The following KLHL30 variants were observed in gnomAD, a reference collection of about 807,000 sequenced individuals.
The protein encoded by KLHL30 is kelch like family member 30.
A neutral mutation model predicts 55.0 loss-of-function variants in KLHL30; 55 were observed. The observed-to-expected ratio is 1.00, with a 90% CI of 0.80 to 1.25. The LOEUF (loss-of-function observed/expected upper bound fraction) is 1.25. Ranked by LOEUF, KLHL30 falls within the 50% of genes most tolerant of loss-of-function variation. The pLI is 0.00. For missense variants in KLHL30, 786 were observed against 811.6 expected (o/e 0.97, Z 0.38); for synonymous variants, 356 against 372.6 (o/e 0.96, Z 0.51).
Position 238,145,792 on chromosome 2 carries a change from C to T in KLHL30, c.1110C>T (p.His370=), listed in dbSNP as rs756094528. 1.0e-5 allele frequency: 16 copies of T among 1,608,016 alleles called. No individual in the cohort carries two copies. The highest frequency in any genetic ancestry group is 8.9e-5 in the East Asian group (4 of 44,794). ...VAPMLKPRTN[H]ASAALNGEIY... The stretch of plus-strand genomic sequence containing the variant: ...CCATGCTGAAGCCCCGCACCAACCA[C>T]GCCAGCGCGGCCCTCAATGGGGAGA... Residue 370 remains histidine (H), a synonymous_variant, in exon 5 of 8, where the codon CAC becomes CAT. Coordinates refer to ENST00000409223, the MANE Select transcript of KLHL30 (RefSeq NM_198582.4).
Position 238,141,047 on chromosome 2 carries a change from T to C in KLHL30, c.293T>C (p.Ile98Thr). ...VDFVYTGRLT[I>T]TQGNVEALTR... ...TTCGTGTACACAGGCCGGCTGACCATCACGCAGGGCAACGTGGAGGCGCTG... is the reference window on the plus strand; with the variant it reads ...TTCGTGTACACAGGCCGGCTGACCACCACGCAGGGCAACGTGGAGGCGCTG... The change falls in exon 2 of 8, where the codon ATC becomes ACC. Residue 98 changes from isoleucine to threonine, a missense_variant. Transcript: ENST00000409223. 6.2e-7 allele frequency: 1 copy of C among 1,612,014 alleles called. No individual in the cohort carries two copies. The highest frequency in any genetic ancestry group is 8.5e-7 in the Non-Finnish European group (1 of 1,179,370).
chr2:238,144,406 G>GGAAGGAAGGAAGGAAT (rs1559275876), intron 3 of KLHL30, among the ~76,000 whole-genome samples: 24 of 122,508 alleles, frequency 2.0e-4, no homozygotes, highest in South Asian at 4.9e-4. Context: ...AAGGAAGGAA[G>GGAAGGAAGGAAGGAAT]GAAGGAAGGA....
Position 238,147,730 on chromosome 2 carries a change from C to T in KLHL30, c.1151-104C>T, listed in dbSNP as rs997584675. 1.5e-6 allele frequency: 1 copy of T among 674,864 alleles called. No homozygotes were observed. Among genetic ancestry groups the T allele is most frequent in the Non-Finnish European group, 2.2e-6 (1 of 452,130 alleles). 41.8% of individuals were successfully genotyped at this position (674,864 alleles called of 1,614,324 possible). ...CCCTGTCTGTGAAATGGGGAGCCCA[C>T]CCCACCTCCCACCACTTTGCTGCCT... On this transcript the variant is annotated intron_variant, in intron 5 of 7. Coordinates refer to ENST00000409223, the MANE Select transcript of KLHL30 (RefSeq NM_198582.4). The surrounding 1 kb of genome is among the most constrained non-coding windows in gnomAD (Gnocchi z 5.8).
intron 2 of KLHL30, among the ~76,000 whole-genome samples, chr2:238,141,851 A>G (rs1251431333): frequency 6.6e-6 from 1 of 152,124 alleles, no homozygotes; most frequent in Non-Finnish European, 1.5e-5. Flanking sequence ...GGCCAAATAC[A>G]TGCCTAGGAC....
chr2:238,149,389 A>G (rs111346179), intron 7 of KLHL30, among the ~76,000 whole-genome samples: 18,310 of 142,958 alleles, frequency 0.13, 1,153 homozygotes, highest in Middle Eastern at 0.19. Flanking sequence ...AGGGCCCACA[A>G]TGAAGGGGGT....
intron 3 of KLHL30, among the ~76,000 whole-genome samples, chr2:238,143,707 G>A (rs960760339): frequency 1.3e-5 from 2 of 152,240 alleles, no homozygotes; most frequent in African/African-American, 4.8e-5. Context: ...CCAGCTGTTC[G>A]GGTCAGGGGC....
intron 2 of KLHL30, 144 bp from the exon 3 acceptor site, chr2:238,142,655 C>G (rs1379485549): frequency 1.3e-6 from 1 of 744,570 alleles, no homozygotes; most frequent in Non-Finnish European, 1.9e-6. Context: ...AAGGAGGGAG[C>G]AGCTTGTGCA....
At chr2:238,140,000 C>T (rs563967027) in intron 1 of KLHL30, among the ~76,000 whole-genome samples, 1 of 152,336 alleles carries the variant, frequency 6.6e-6, no homozygotes, top group East Asian at 1.9e-4. Context: ...TGTTTAGCAG[C>T]CTCCACCCGG....
chr2:238,151,884 G>C lies in KLHL30; in HGVS notation c.*819G>C. The C allele has an allele frequency of 1.0e-6, 1 of 985,466 alleles. No homozygotes were observed. The highest frequency in any genetic ancestry group is 1.2e-6 in the Non-Finnish European group (1 of 829,928). 61.0% of individuals were successfully genotyped at this position (985,466 alleles called of 1,614,324 possible). On this transcript the variant is annotated 3_prime_UTR_variant, in exon 8 of 8. Transcript: ENST00000409223. ...ATTAGAATGGAATTTCCCACCAGGG[G>C]ACGACTCTTGGGTGCATTGGTGGCA...
intron 4 of KLHL30, 60 bp from the exon 5 acceptor site, chr2:238,145,617 A>G: frequency 6.5e-7 from 1 of 1,540,072 alleles, no homozygotes; most frequent in Non-Finnish European, 8.8e-7. Context: ...TGGTATCCAC[A>G]CCCCATGGCC....
At chr2:238,140,101 G>C (rs1692505251) in intron 1 of KLHL30, among the ~76,000 whole-genome samples, 1 of 152,210 alleles carries the variant, frequency 6.6e-6, no homozygotes, top group African/African-American at 2.4e-5. Context: ...GTGTGATCTT[G>C]GGCAAGTGAC....
chr2:238,144,422 G>GGAAGGAAGGAAT lies in KLHL30; in HGVS notation c.908-469_908-468insTGAAGGAAGGAA, dbSNP rs1559275978. Reference sequence around the variant, plus strand: ...AGGAAGGAAGGAAGGAAGGAAGGAAGGAAGGAAGGAAGGCAGGCAGGCAGG... The same window carrying GGAAGGAAGGAAT: ...AGGAAGGAAGGAAGGAAGGAAGGAAGGAAGGAAGGAATGAAGGAAGGAAGGCAGGCAGGCAGG... On this transcript the variant is annotated intron_variant, in intron 3 of 7. Coordinates refer to ENST00000409223, the MANE Select transcript of KLHL30 (RefSeq NM_198582.4). 7.5e-3 allele frequency among the ~76,000 whole-genome samples: 798 copies of GGAAGGAAGGAAT among 106,052 alleles called. 1 individual carries two copies. Among genetic ancestry groups the GGAAGGAAGGAAT allele is most frequent in the Middle Eastern group, 0.014 (3 of 222 alleles). 69.6% of individuals were successfully genotyped at this position (106,052 alleles called of 152,430 possible). A position where few individuals can be genotyped will look rare whatever the true frequency, so the allele number is the denominator to read the frequency against.
intron 7 of KLHL30, among the ~76,000 whole-genome samples, chr2:238,149,537 C>T (rs967784595): frequency 3.9e-5 from 6 of 152,178 alleles, no homozygotes; most frequent in Non-Finnish European, 7.4e-5. Flanking sequence ...GGTGGGAGAA[C>T]GCGATTTGGG....
At chr2:238,149,880 G>A (rs1692720153) in intron 7 of KLHL30, among the ~76,000 whole-genome samples, 1 of 152,150 alleles carries the variant, frequency 6.6e-6, no homozygotes, top group Non-Finnish European at 1.5e-5. Context: ...TTGGGGATGG[G>A]TCCTGGCACC....
chr2:238,149,184 C>G (rs745562991), intron 7 of KLHL30, 32 bp downstream of exon 7: 2 of 1,609,858 alleles, frequency 1.2e-6, no homozygotes, highest in Admixed American at 3.3e-5. Context: ...CATGTGTGAG[C>G]CCCTGCCCAG....
At chr2:238,143,401 G>A (rs11693087) in intron 3 of KLHL30, among the ~76,000 whole-genome samples, 13,227 of 152,276 alleles carry the variant, frequency 0.087, 808 homozygotes, top group African/African-American at 0.17. Flanking sequence ...TTGTAATCCC[G>A]GACCTCAAAC....
At chr2:238,143,730 G>A (rs1367002802) in intron 3 of KLHL30, among the ~76,000 whole-genome samples, 2 of 152,234 alleles carry the variant, frequency 1.3e-5, no homozygotes, top group East Asian at 1.9e-4. Context: ...AAGAGAGGGG[G>A]TTTGGGGCTG....
chr2:238,143,143 C>T (rs1004639446), intron 3 of KLHL30, among the ~76,000 whole-genome samples: 1 of 152,166 alleles, frequency 6.6e-6, no homozygotes, highest in African/African-American at 2.4e-5. Context: ...GGCACTGCTG[C>T]TCCCTCTCCC....
chr2:238,145,810 T>C lies in KLHL30; in HGVS notation c.1128T>C (p.Asn376=), dbSNP rs746209199. The part of the protein sequence containing the change: ...PRTNHASAAL[N]GEIYVIGGTT... ...CCAACCACGCCAGCGCGGCCCTCAA[T>C]GGGGAGATCTACGTTATCGGCGGTG... The change falls in exon 5 of 8, where the codon AAT becomes AAC. Residue 376 remains asparagine, a synonymous_variant. Transcript: ENST00000409223. 5 of 1,606,534 alleles carry C rather than the reference T, an allele frequency of 3.1e-6. No individual in the cohort carries two copies. The highest frequency in any genetic ancestry group is 3.4e-6 in the Non-Finnish European group (4 of 1,177,054).
Sources: gnomAD v4.1 joint callset for allele counts (sites outside exome capture counted in the v4.1 genomes callset) on GRCh38, gnomAD v4.1.1 for gene constraint, Gnocchi (gnomAD v3.1) non-coding constraint, MANE v1.5 for transcripts, NCBI Gene and HGNC (gene_info 2026-07-23, HGNC 2026-07-21) for gene names.